The following PPA2 variants were observed in gnomAD, a reference collection of about 807,000 sequenced individuals.
PPA2 encodes inorganic pyrophosphatase 2, mitochondrial.
A neutral mutation model predicts 49.5 loss-of-function variants in PPA2; 48 were observed. The ratio of observed to expected loss-of-function variants is 0.97; its 90% CI spans 0.77 to 1.23. The LOEUF is 1.23. PPA2 is among the 50% of genes most tolerant of loss of function. The pLI is 0.00. For missense variants in PPA2, 429 were observed against 410.1 expected (o/e 1.05, Z -0.40); for synonymous variants, 131 against 139.9 (o/e 0.94, Z 0.45).
intron 10 of PPA2, among the ~76,000 whole-genome samples, chr4:105,374,298 G>A (rs543024132): frequency 1.3e-5 from 2 of 152,238 alleles, no homozygotes; most frequent in African/African-American, 4.8e-5. Context: ...GGTGGCTTAC[G>A]CCTGTAATCT....
intron 11 of PPA2, 55 bp from the exon 12 acceptor site, chr4:105,369,808 G>A (rs1732951549): frequency 1.4e-6 from 2 of 1,459,484 alleles, no homozygotes; most frequent in Admixed American, 1.7e-5. Context: ...GGAGGGAGAA[G>A]GGAGTGATTA....
At chr4:105,419,028 A>C (rs1723132029) in intron 7 of PPA2, among the ~76,000 whole-genome samples, 1 of 152,194 alleles carries the variant, frequency 6.6e-6, no homozygotes, top group African/African-American at 2.4e-5. Context: ...TCTAGTAACA[A>C]TTTAGGTGTC....
intron 7 of PPA2, among the ~76,000 whole-genome samples, chr4:105,422,241 T>C (rs1188222065): frequency 6.6e-6 from 1 of 152,212 alleles, no homozygotes; most frequent in Non-Finnish European, 1.5e-5. Flanking sequence ...AAATAATACA[T>C]GTATTCACTT....
At chr4:105,395,362 GTTATCTTTAGTAC>G (rs1734096790) in intron 9 of PPA2, among the ~76,000 whole-genome samples, 1 of 152,032 alleles carries the variant, frequency 6.6e-6, no homozygotes, top group South Asian at 2.1e-4. Context: ...TATTCATAGT[GTTATCTTTAGTAC>G]CCCCACAGGA....
intron 10 of PPA2, among the ~76,000 whole-genome samples, chr4:105,378,777 T>C (rs1412131718): frequency 6.6e-6 from 1 of 152,130 alleles, no homozygotes; most frequent in Non-Finnish European, 1.5e-5. Context: ...AATAACCAAT[T>C]ATTTAAGCAC....
chr4:105,394,322 C>T (rs910352700), intron 9 of PPA2, among the ~76,000 whole-genome samples: 2 of 133,666 alleles, frequency 1.5e-5, no homozygotes, highest in African/African-American at 5.5e-5. Context: ...TGCAGTGGGC[C>T]GAGATTGCAC....
At chr4:105,394,373 C>CAAAAAAAAAAAAAA (rs34736301) in intron 9 of PPA2, among the ~76,000 whole-genome samples, 2 of 96,912 alleles carry the variant, frequency 2.1e-5, no homozygotes, top group Non-Finnish European at 3.9e-5. Context: ...GATTCCATTT[C>CAAAAAAAAAAAAAA]AAAAAAAAAA....
At chr4:105,473,451 C>CTG in intron 1 of PPA2, 1 of 381,178 alleles carries the variant, frequency 2.6e-6, no homozygotes, top group South Asian at 2.0e-5. Flanking sequence ...CAGGGAGCTC[C>CTG]CGCAGTAGGA....
At chr4:105,402,353 GTA>G (rs1722243103) in intron 7 of PPA2, among the ~76,000 whole-genome samples, 1 of 152,236 alleles carries the variant, frequency 6.6e-6, no homozygotes, top group African/African-American at 2.4e-5. Flanking sequence ...TGCTTTGCAA[GTA>G]AGGAAAGAAG....
At chr4:105,405,221 T>C (rs1298366932) in intron 7 of PPA2, 5 of 747,724 alleles carry the variant, frequency 6.7e-6, no homozygotes, top group Non-Finnish European at 8.2e-6. Flanking sequence ...TAGGTAGGCA[T>C]AGTTATAAAC....
intron 2 of PPA2, among the ~76,000 whole-genome samples, chr4:105,454,363 T>C (rs1275962686): frequency 6.6e-6 from 1 of 152,106 alleles, no homozygotes; most frequent in Non-Finnish European, 1.5e-5. Flanking sequence ...AGTCTCGCTC[T>C]GTCGCCCAGG....
At chr4:105,393,488 T>TAAC (rs1222556322) in intron 9 of PPA2, among the ~76,000 whole-genome samples, 2 of 174 alleles carry the variant, frequency 0.011, no homozygotes, top group African/African-American at 0.026. Context: ...TGTCTCAAAA[T>TAAC]AATAATAATA....
intron 1 of PPA2, among the ~76,000 whole-genome samples, chr4:105,459,013 G>C (rs1722978818): frequency 6.6e-6 from 1 of 151,958 alleles, no homozygotes; most frequent in Non-Finnish European, 1.5e-5. Flanking sequence ...TCTAGCATCT[G>C]GGAAAGTACC....
intron 7 of PPA2, among the ~76,000 whole-genome samples, chr4:105,411,521 A>G (rs915488496): frequency 4.6e-5 from 7 of 152,214 alleles, no homozygotes; most frequent in African/African-American, 1.7e-4. Flanking sequence ...TCCCCTGGAA[A>G]ATCAGCACAA....
At chr4:105,398,917 G>C in intron 8 of PPA2, 120 bp downstream of exon 8, 1 of 1,002,800 alleles carries the variant, frequency 1.0e-6, no homozygotes. Context: ...ATGTAAGTTA[G>C]TAAAAAGCAC....
At chr4:105,370,766 T>A in intron 11 of PPA2, 71 bp downstream of exon 11, 2 of 1,294,590 alleles carry the variant, frequency 1.5e-6, no homozygotes, top group East Asian at 3.3e-5. Context: ...TTAGTTTTAG[T>A]TTTTGGCTTC....
intron 2 of PPA2, 43 bp downstream of exon 2, chr4:105,456,638 T>G (rs764595420): frequency 6.8e-7 from 1 of 1,469,404 alleles, no homozygotes; most frequent in African/African-American, 1.4e-5. Flanking sequence ...ATGGTGATAC[T>G]GGCAGTACAC....
intron 10 of PPA2, among the ~76,000 whole-genome samples, chr4:105,381,385 A>T (rs541615108): frequency 6.6e-6 from 1 of 151,958 alleles, no homozygotes; most frequent in East Asian, 1.9e-4. Context: ...CCTTTACTTA[A>T]ATTTATTAAT....
At chr4:105,371,847 C>T (rs1157514248) in intron 10 of PPA2, among the ~76,000 whole-genome samples, 4 of 152,188 alleles carry the variant, frequency 2.6e-5, no homozygotes, top group Non-Finnish European at 4.4e-5. Context: ...GGATTCCAGA[C>T]ACCTTAGAGA....
Sources: gnomAD v4.1 joint callset for allele counts (sites outside exome capture counted in the v4.1 genomes callset) on GRCh38, gnomAD v4.1.1 for gene constraint, MANE v1.5 for transcripts, NCBI Gene and HGNC (gene_info 2026-07-23, HGNC 2026-07-21) for gene names.